The following EIF2AK3 variants were observed in gnomAD, a reference collection of about 807,000 sequenced individuals.
EIF2AK3 encodes the protein eukaryotic translation initiation factor 2-alpha kinase 3.
In EIF2AK3, 50 loss-of-function variants were observed where a neutral mutation model predicts 113.5. The ratio of observed to expected loss-of-function variants is 0.44; its 90% CI spans 0.35 to 0.56. EIF2AK3 has a LOEUF of 0.56. EIF2AK3 is among the 20% of genes least tolerant of loss of function. The probability of loss-of-function intolerance (pLI) is 0.00; values close to 1 mark genes in which losing one functional copy is unlikely to be tolerated. For synonymous variants in EIF2AK3, 448 were observed against 495.4 expected (o/e 0.90, Z 1.27); for missense variants, 1,185 against 1,378.0 (o/e 0.86, Z 2.22).
In EIF2AK3 at chr2:88,626,958, G is replaced by A. The variant is rs1675878865; in HGVS notation, c.308+9C>T. The A allele has an allele frequency of 2.6e-5, 42 of 1,606,966 alleles. No individual in the cohort carries two copies. The highest frequency in any genetic ancestry group is 3.6e-5 in the Non-Finnish European group (42 of 1,178,138). ...ACAAGTTGCCTCCCCCGGGTCGGCA[G>A]CCCCTCACCTGCCGCGCGGTCGCAA... On this transcript the variant is annotated intron_variant, in intron 1 of 16. Transcript: ENST00000303236.
intron 13 of EIF2AK3, among the ~76,000 whole-genome samples, chr2:88,573,791 CCTGAAACAAGT>C (rs1674379409): frequency 6.6e-6 from 1 of 152,048 alleles, no homozygotes; most frequent in Non-Finnish European, 1.5e-5. Flanking sequence ...TACTTTTGTG[CCTGAAACAAGT>C]CTGTTTTAAG....
chr2:88,610,005 T>G (rs1675392349), intron 2 of EIF2AK3, among the ~76,000 whole-genome samples: 1 of 149,460 alleles, frequency 6.7e-6, no homozygotes, highest in Admixed American at 6.6e-5. Context: ...GCCTATAGTC[T>G]TAGCCACTTA....
intron 8 of EIF2AK3, among the ~76,000 whole-genome samples, chr2:88,587,200 A>ATC (rs1265130205): frequency 9.3e-6 from 1 of 108,080 alleles, no homozygotes; most frequent in African/African-American, 3.6e-5. Flanking sequence ...GCGAAACTCC[A>ATC]TCTCAAAAAA....
intron 2 of EIF2AK3, among the ~76,000 whole-genome samples, chr2:88,607,237 A>C (rs2104460341): frequency 6.6e-6 from 1 of 152,348 alleles, no homozygotes; most frequent in African/African-American, 2.4e-5. Context: ...CAAAATTTTA[A>C]GGCAATCAGT....
chr2:88,595,955 G>T lies in EIF2AK3; in HGVS notation c.439-292C>A, dbSNP rs1196988355. 5 of 445,526 alleles carry T rather than the reference G, an allele frequency of 1.1e-5. No individual in the cohort carries two copies. In the East Asian group the frequency reaches 2.3e-4, roughly 20 times the overall value. 27.6% of individuals were successfully genotyped at this position (445,526 alleles called of 1,614,324 possible). On this transcript the variant is annotated intron_variant, in intron 2 of 16. Coordinates refer to ENST00000303236, the MANE Select transcript of EIF2AK3 (RefSeq NM_004836.7). ...CATGGGCCAAAAGGGTCCCATAATG[G>T]TAGGTGAGTTACCAAAAGAGAGTTT...
chr2:88,595,379 TCAA>T, intron 3 of EIF2AK3, 87 bp downstream of exon 3: 1 of 1,281,332 alleles, frequency 7.8e-7, no homozygotes, highest in Non-Finnish European at 1.1e-6. Context: ...ACAATAAAAC[TCAA>T]CTAATAATAA....
At chr2:88,568,635 T>A (rs58711166) in intron 14 of EIF2AK3, among the ~76,000 whole-genome samples, 158 of 152,216 alleles carry the variant, frequency 1.0e-3, no homozygotes, top group African/African-American at 3.5e-3. Flanking sequence ...CCTGATCCAA[T>A]CACTAAATAG....
rs149790808 is a variant in EIF2AK3 at position 88,623,496 on chromosome 2, T to C, written c.308+3471A>G. Among the ~76,000 whole-genome samples the C allele has an allele frequency of 1.4e-3, 208 of 152,312 alleles. 1 individual carries two copies. The highest frequency in any genetic ancestry group is 4.7e-3 in the African/African-American group (194 of 41,576). ...GAACTGGTGAATCTCGGATTGCTTC[T>C]TGAGTATCAAAAGACAACATGCAAA... is the stretch of plus-strand genomic sequence containing the variant. On this transcript the variant is annotated intron_variant, in intron 1 of 16. Transcript: ENST00000303236.
chr2:88,600,525 AT>A (rs1675125742), intron 2 of EIF2AK3, among the ~76,000 whole-genome samples: 1 of 152,064 alleles, frequency 6.6e-6, no homozygotes, highest in African/African-American at 2.4e-5. Context: ...TTTTGTATTT[AT>A]TTTCTTTATT....
intron 10 of EIF2AK3, among the ~76,000 whole-genome samples, chr2:88,582,647 C>T (rs1216605763): frequency 2.0e-5 from 3 of 152,016 alleles, no homozygotes; most frequent in Admixed American, 1.3e-4. Context: ...AAGATATATG[C>T]CTATGTATAA....
chr2:88,604,664 C>T (rs769942573), intron 2 of EIF2AK3, among the ~76,000 whole-genome samples: 2 of 152,160 alleles, frequency 1.3e-5, no homozygotes, highest in Non-Finnish European at 2.9e-5. Context: ...CTGCACGCCT[C>T]CCTCCTGCAA....
chr2:88,566,687 C>T (rs1233466040), intron 14 of EIF2AK3, among the ~76,000 whole-genome samples: 2 of 152,152 alleles, frequency 1.3e-5, no homozygotes, highest in Non-Finnish European at 2.9e-5. Flanking sequence ...GTGGCTCACG[C>T]CTGTAATCCT....
chr2:88,620,136 A>G (rs568878837), intron 1 of EIF2AK3, among the ~76,000 whole-genome samples: 1 of 152,204 alleles, frequency 6.6e-6, no homozygotes, highest in African/African-American at 2.4e-5. Context: ...TAAACTTCCA[A>G]GGTTCCCTGT....
At position 88,590,914 on chromosome 2, in the gene EIF2AK3, T is replaced by G. The variant is rs549674310; in HGVS notation, c.906A>C (p.Glu302Asp). ...SKIISDVEEQ[E>D]AAIMDIVIKV... is the part of the protein sequence containing the mutation. ...TTATCACTATGTCCATTATGGCAGC[T>G]TCCTGTTCTTCCACATCTGAAATAA... The change falls in exon 5 of 17, where the codon GAA becomes GAC. Residue 302 changes from glutamate (E) to aspartate (D), a missense_variant. Glu to Asp is a conservative substitution (Grantham distance 45, BLOSUM62 2). This residue lies in a region of EIF2AK3 where 877 missense variants were observed against 1,024.2 expected (regional missense o/e 0.86). Coordinates refer to ENST00000303236, the MANE Select transcript of EIF2AK3 (RefSeq NM_004836.7). 1.7e-4 allele frequency: 277 copies of G among 1,614,160 alleles called. 3 individuals carry two copies. In the South Asian group the frequency reaches 2.9e-3, roughly 17 times the overall value.
chr2:88,628,035 G>A (rs1321888673), upstream of EIF2AK3: 2 of 152,426 alleles, frequency 1.3e-5, no homozygotes, highest in Middle Eastern at 3.1e-3. Flanking sequence ...GGCCACAGAA[G>A]CCGTGTGGTC....
intron 2 of EIF2AK3, among the ~76,000 whole-genome samples, chr2:88,599,019 T>C (rs1445205095): frequency 4.0e-5 from 6 of 150,680 alleles, no homozygotes; most frequent in Non-Finnish European, 7.4e-5. Context: ...CACATAAGGT[T>C]TTTTTTTTTC....
chr2:88,610,955 G>A lies in EIF2AK3; in HGVS notation c.438+2769C>T, dbSNP rs530081495. On this transcript the variant is annotated intron_variant, in intron 2 of 16. Transcript: ENST00000303236. ...TAGTCCCAGCTACTCAGGAGGCTGA[G>A]GCAGGAGGATTGCTTGAGCCCAGGA... is the stretch of plus-strand genomic sequence containing the variant. Among the ~76,000 whole-genome samples, 13 of 152,250 alleles carry A rather than the reference G, an allele frequency of 8.5e-5. No individual in the cohort carries two copies. In the South Asian group the frequency reaches 2.7e-3, roughly 32 times the overall value.
intron 3 of EIF2AK3, 71 bp downstream of exon 3, chr2:88,595,398 G>T: frequency 1.4e-6 from 2 of 1,426,218 alleles, no homozygotes; most frequent in Non-Finnish European, 2.0e-6. Flanking sequence ...AATAAGTGTA[G>T]TTTAATAAAT....
Position 88,627,437 on chromosome 2 carries a change from T to C in EIF2AK3, c.-163A>G. ...CCCCTGGCCACGTCTCAGCCCGGCC[T>C]CTGCCGCTGCCACCTGAGTGACAGC... On this transcript the variant is annotated 5_prime_UTR_variant, in exon 1 of 17. Coordinates refer to ENST00000303236, the MANE Select transcript of EIF2AK3 (RefSeq NM_004836.7). 1 of 860,258 alleles carries C rather than the reference T, an allele frequency of 1.2e-6. No individual in the cohort carries two copies. Among genetic ancestry groups the C allele is most frequent in the Non-Finnish European group, 1.6e-6 (1 of 637,006 alleles). 53.3% of individuals were successfully genotyped at this position (860,258 alleles called of 1,614,324 possible).
Sources: allele counts gnomAD v4.1 joint callset (sites outside exome capture counted in the v4.1 genomes callset), GRCh38; gene constraint gnomAD v4.1.1; regional missense constraint gnomAD v4.1.1; transcripts MANE v1.5; gene names NCBI Gene and HGNC (gene_info 2026-07-23, HGNC 2026-07-21).